Variants in ELAPOR2 observed in about 807,000 individuals in gnomAD.
The protein encoded by ELAPOR2 is endosome-lysosome associated apoptosis and autophagy regulator family member 2, also known as endosome/lysosome-associated apoptosis and autophagy regulator family member 2.
ELAPOR2 carries 89 observed loss-of-function variants against 120.7 expected under a neutral mutation model. That is an observed-to-expected ratio of 0.74 (90% confidence interval 0.62 to 0.88). ELAPOR2 has a LOEUF of 0.88. ELAPOR2 is among the 40% of genes least tolerant of loss of function. ELAPOR2 has a pLI of 0.00. For missense variants in ELAPOR2, 1,134 were observed against 1,251.6 expected, an observed-to-expected ratio of 0.91 and a Z score of 1.42; for synonymous variants, 444 against 444.9, an observed-to-expected ratio of 1.00 and a Z score of 0.03.
intron 8 of ELAPOR2, among the ~76,000 whole-genome samples, chr7:86,928,405 T>C (rs1289017800): frequency 6.6e-6 from 1 of 152,032 alleles, no homozygotes; most frequent in African/African-American, 2.4e-5. Flanking sequence ...TCCTACTTAA[T>C]TCCCTAATTT....
chr7:87,054,961 A>G (rs184992058), intron 1 of ELAPOR2, among the ~76,000 whole-genome samples: 1 of 152,304 alleles, frequency 6.6e-6, no homozygotes, highest in East Asian at 1.9e-4. Flanking sequence ...AGCCATTGCT[A>G]CATGTCTCCT....
At chr7:87,028,164 CA>C in intron 1 of ELAPOR2, among the ~76,000 whole-genome samples, 1 of 152,266 alleles carries the variant, frequency 6.6e-6, no homozygotes, top group South Asian at 2.1e-4. Context: ...CTCCTCAAAA[CA>C]AGTGTCTGTT....
At chr7:86,900,804 T>A (rs1788685826) in intron 18 of ELAPOR2, among the ~76,000 whole-genome samples, 1 of 152,044 alleles carries the variant, frequency 6.6e-6, no homozygotes, top group Admixed American at 6.6e-5. Flanking sequence ...AATAATAATT[T>A]GAACAGCACT....
chr7:86,979,048 G>A (rs1453095264), intron 1 of ELAPOR2, among the ~76,000 whole-genome samples: 2 of 152,102 alleles, frequency 1.3e-5, no homozygotes, highest in Non-Finnish European at 2.9e-5. Context: ...AAATTTAATA[G>A]GCCAACTATG....
chr7:86,910,575 G>A (rs1352604532), intron 15 of ELAPOR2, among the ~76,000 whole-genome samples: 1 of 152,028 alleles, frequency 6.6e-6, no homozygotes, highest in Non-Finnish European at 1.5e-5. Flanking sequence ...ATGTGTATCT[G>A]TTCAACTGTA....
At chr7:86,882,399 G>A (rs1450374869) in intron 21 of ELAPOR2, among the ~76,000 whole-genome samples, 1 of 152,166 alleles carries the variant, frequency 6.6e-6, no homozygotes, top group Admixed American at 6.5e-5. Context: ...GTGTTGTGGT[G>A]AGGGAAGGCA....
intron 1 of ELAPOR2, among the ~76,000 whole-genome samples, chr7:87,028,419 A>G (rs1433073552): frequency 6.6e-6 from 1 of 151,892 alleles, no homozygotes; most frequent in South Asian, 2.1e-4. Context: ...ATTGGTTCTA[A>G]CTCTCCTGAT....
intron 1 of ELAPOR2, among the ~76,000 whole-genome samples, chr7:86,985,483 T>G (rs1482832970): frequency 6.6e-6 from 1 of 152,144 alleles, no homozygotes; most frequent in Non-Finnish European, 1.5e-5. Context: ...ATCAAAAAGC[T>G]TATCCACCAC....
At chr7:87,030,634 A>T (rs1794395306) in intron 1 of ELAPOR2, among the ~76,000 whole-genome samples, 1 of 152,180 alleles carries the variant, frequency 6.6e-6, no homozygotes, top group African/African-American at 2.4e-5. Flanking sequence ...ATTTCATGAA[A>T]AGTAAACCCT....
Position 87,059,536 on chromosome 7 carries a change from G to A in ELAPOR2, c.-23C>T. On this transcript the variant is annotated 5_prime_UTR_variant, in exon 1 of 22. Transcript: ENST00000450689. ...CATCTTCGTCCGGCCGCGGTCGGCG[G>A]GCCGGCGGCAAGGCAGCCTTCCCGG... The A allele has an allele frequency of 1.0e-5, 12 of 1,175,106 alleles. No homozygotes were observed. Among genetic ancestry groups the A allele is most frequent in the Non-Finnish European group, 1.3e-5 (12 of 951,586 alleles). The allele number at this position is 1,175,106 out of a possible 1,614,324, so 72.8% of individuals were successfully genotyped here.
intron 2 of ELAPOR2, among the ~76,000 whole-genome samples, chr7:86,953,070 T>C (rs1344883995): frequency 6.9e-6 from 1 of 144,098 alleles, no homozygotes; most frequent in Non-Finnish European, 1.5e-5. Context: ...CACCCCAGCC[T>C]GGGCAACAGA....
intron 1 of ELAPOR2, among the ~76,000 whole-genome samples, chr7:86,994,965 T>C (rs538261292): frequency 1.0e-3 from 156 of 152,308 alleles, no homozygotes; most frequent in Admixed American, 2.1e-3. Context: ...CCGAGCTTTT[T>C]TATATAACAA....
chr7:87,003,515 C>G (rs1793382120), intron 1 of ELAPOR2, among the ~76,000 whole-genome samples: 1 of 152,150 alleles, frequency 6.6e-6, no homozygotes, highest in Non-Finnish European at 1.5e-5. Context: ...TTCTCTCCTG[C>G]TGGCCATGTG....
rs530102871 is a variant in ELAPOR2, at chr7:87,008,366, G to T, written c.190-43342C>A. 2.0e-5 allele frequency among the ~76,000 whole-genome samples: 3 copies of T among 152,240 alleles called. No individual in the cohort carries two copies. In the East Asian group the frequency reaches 5.8e-4, roughly 29 times the overall value. On this transcript the variant is annotated intron_variant, in intron 1 of 21. Coordinates refer to ENST00000450689, the MANE Select transcript of ELAPOR2 (RefSeq NM_001142749.3). ...GGCTAAAGAGACATGATAAAGAAATGCAATGTGAGATCTTAGGCTGCATCC... is the reference window on the plus strand; with the variant it reads ...GGCTAAAGAGACATGATAAAGAAATTCAATGTGAGATCTTAGGCTGCATCC...
intron 18 of ELAPOR2, among the ~76,000 whole-genome samples, chr7:86,901,666 G>A (rs1387326881): frequency 6.6e-6 from 1 of 152,232 alleles, no homozygotes; most frequent in African/African-American, 2.4e-5. Flanking sequence ...ACAGTTTTGT[G>A]TACCTAGAAA....
chr7:86,973,780 A>G (rs1792183074), intron 1 of ELAPOR2, among the ~76,000 whole-genome samples: 2 of 152,190 alleles, frequency 1.3e-5, no homozygotes, highest in African/African-American at 2.4e-5. Context: ...AGGTGGCCAC[A>G]GCTCCTTGGC....
intron 1 of ELAPOR2, among the ~76,000 whole-genome samples, chr7:87,000,797 T>C (rs1158015304): frequency 6.6e-6 from 1 of 152,142 alleles, no homozygotes; most frequent in Admixed American, 6.5e-5. Context: ...GCAAAGCTGG[T>C]GTGTCCTACA....
intron 18 of ELAPOR2, among the ~76,000 whole-genome samples, chr7:86,905,065 G>GAC (rs1562909820): frequency 1.7e-5 from 2 of 116,974 alleles, no homozygotes; most frequent in Non-Finnish European, 3.5e-5. Flanking sequence ...GAAAGACAGA[G>GAC]AGAGAGAAGG....
At position 87,002,410 on chromosome 7, in the gene ELAPOR2, T is replaced by C. The variant is rs150354671; in HGVS notation, c.190-37386A>G. ...TCTCCTTCTGGTGGCCATTGCTACT[T>C]CTCCATCTGATGCCAGTGATATATA... On this transcript the variant is annotated intron_variant, in intron 1 of 21. Coordinates refer to ENST00000450689, the MANE Select transcript of ELAPOR2 (RefSeq NM_001142749.3). 2.2e-3 allele frequency among the ~76,000 whole-genome samples: 331 copies of C among 152,254 alleles called. 1 individual carries two copies. The highest frequency in any genetic ancestry group is 7.6e-3 in the African/African-American group (315 of 41,560).
Sources: allele counts gnomAD v4.1 joint callset (sites outside exome capture counted in the v4.1 genomes callset), GRCh38; gene constraint gnomAD v4.1.1; transcripts MANE v1.5; gene names NCBI Gene and HGNC (gene_info 2026-07-23, HGNC 2026-07-21).